The following PDZRN4 variants were observed in gnomAD, a reference collection of about 807,000 sequenced individuals.
PDZRN4 encodes PDZ domain-containing RING finger protein 4.
In PDZRN4, 70 loss-of-function variants were observed where a neutral mutation model predicts 99.0. That is an observed-to-expected ratio of 0.71 (90% CI 0.58 to 0.86). PDZRN4 has a LOEUF of 0.86. PDZRN4 is among the 40% of genes least tolerant of loss of function. The probability of loss-of-function intolerance (pLI) is 0.00; values close to 1 mark genes in which losing one functional copy is unlikely to be tolerated. For synonymous variants in PDZRN4, 551 were observed against 501.6 expected (o/e 1.10, Z -1.32); for missense variants, 1,474 against 1,331.2 (o/e 1.11, Z -1.67).
intron 3 of PDZRN4, among the ~76,000 whole-genome samples, chr12:41,288,575 A>G (rs1299742524): frequency 6.6e-6 from 1 of 150,828 alleles, no homozygotes; most frequent in East Asian, 1.9e-4. Context: ...GTCGTTCTGT[A>G]ATACTGTGAA....
At chr12:41,248,053 G>A (rs1043255458) in intron 3 of PDZRN4, among the ~76,000 whole-genome samples, 1 of 152,186 alleles carries the variant, frequency 6.6e-6, no homozygotes, top group Non-Finnish European at 1.5e-5. Context: ...GAACTGAAAT[G>A]ATGCTAGTTG....
intron 3 of PDZRN4, among the ~76,000 whole-genome samples, chr12:41,253,232 A>C (rs1366365411): frequency 6.6e-6 from 1 of 152,184 alleles, no homozygotes; most frequent in African/African-American, 2.4e-5. Flanking sequence ...CTTACACAAA[A>C]AAATCTTTGC....
At chr12:41,476,508 C>T (rs1953044255) in intron 3 of PDZRN4, among the ~76,000 whole-genome samples, 1 of 152,138 alleles carries the variant, frequency 6.6e-6, no homozygotes, top group East Asian at 1.9e-4. Flanking sequence ...ACTGCTTCAC[C>T]CACTTAGCCC....
intron 3 of PDZRN4, among the ~76,000 whole-genome samples, chr12:41,299,478 C>T (rs1000737261): frequency 6.6e-6 from 1 of 152,032 alleles, no homozygotes. Flanking sequence ...CAAGTTGATG[C>T]TAGCTATTTT....
intron 3 of PDZRN4, among the ~76,000 whole-genome samples, chr12:41,234,303 A>G (rs1951050955): frequency 6.6e-6 from 1 of 152,144 alleles, no homozygotes; most frequent in Non-Finnish European, 1.5e-5. Context: ...CATGTAAATT[A>G]GGAATATGAG....
intron 3 of PDZRN4, among the ~76,000 whole-genome samples, chr12:41,243,889 T>C (rs373319751): frequency 4.1e-4 from 62 of 152,182 alleles, no homozygotes; most frequent in African/African-American, 1.4e-3. Flanking sequence ...CACTCAAACA[T>C]CATTCATTTC....
intron 3 of PDZRN4, among the ~76,000 whole-genome samples, chr12:41,395,724 G>A (rs1172852751): frequency 6.6e-6 from 1 of 152,146 alleles, no homozygotes; most frequent in Non-Finnish European, 1.5e-5. Context: ...GGCTTCAGCT[G>A]AGGAACAACA....
chr12:41,474,357 G>A (rs1364135475), intron 3 of PDZRN4, among the ~76,000 whole-genome samples: 1 of 152,160 alleles, frequency 6.6e-6, no homozygotes, highest in Non-Finnish European at 1.5e-5. Flanking sequence ...CTCTCATAAA[G>A]CATTTATTAT....
rs543617000 is a variant in PDZRN4 at position 41,454,376 on chromosome 12, G to A, written c.844-52080G>A. On this transcript the variant is annotated intron_variant, in intron 3 of 9. Transcript: ENST00000402685. Reference sequence around the variant, plus strand: ...CTGCGTTTGAGTTAGAGGAAACAGTGTGGACTTGTTTCTTAGGAGACATGG... The same window carrying A: ...CTGCGTTTGAGTTAGAGGAAACAGTATGGACTTGTTTCTTAGGAGACATGG... Among the ~76,000 whole-genome samples the A allele has an allele frequency of 3.9e-5, 6 of 152,326 alleles. No homozygotes were observed. The South Asian group carries it at 1.2e-3, about 32-fold the overall frequency.
At position 41,402,140 on chromosome 12, in the gene PDZRN4, T is replaced by C. The variant is rs1166702397; in HGVS notation, c.844-104316T>C. 1.0e-3 allele frequency among the ~76,000 whole-genome samples: 33 copies of C among 32,258 alleles called. 2 individuals are homozygous for C. Among genetic ancestry groups the C allele is most frequent in the East Asian group, 3.6e-3 (4 of 1,122 alleles). 21.2% of individuals were successfully genotyped at this position (32,258 alleles called of 152,430 possible). ...GTATATATATATATATATATATATA[T>C]ACACACACTGAGTATATATATATAT... On this transcript the variant is annotated intron_variant, in intron 3 of 9. Transcript: ENST00000402685.
At chr12:41,491,509 G>T (rs1438849088) in intron 3 of PDZRN4, among the ~76,000 whole-genome samples, 3 of 152,082 alleles carry the variant, frequency 2.0e-5, no homozygotes, top group Non-Finnish European at 4.4e-5. Flanking sequence ...GCCACAGAGT[G>T]AGACTCCATC....
rs903442134 is a variant in PDZRN4 at position 41,379,250 on chromosome 12, T to C, written c.844-127206T>C. 5.7e-5 allele frequency among the ~76,000 whole-genome samples: 6 copies of C among 105,898 alleles called. No individual in the cohort carries two copies. In the East Asian group the frequency reaches 1.0e-3, roughly 18 times the overall value. The allele number at this position is 105,898 out of a possible 152,430, so 69.5% of individuals were successfully genotyped here. A position where few individuals can be genotyped will look rare whatever the true frequency, so the allele number is the denominator to read the frequency against. ...ATTTGAGTCTTCTGTCTCTATTTTCTGTTTTTTTTTTTTTTGGTTGGTCTA... is the reference window on the plus strand; with the variant it reads ...ATTTGAGTCTTCTGTCTCTATTTTCCGTTTTTTTTTTTTTTGGTTGGTCTA... On this transcript the variant is annotated intron_variant, in intron 3 of 9. Transcript: ENST00000402685.
intron 3 of PDZRN4, among the ~76,000 whole-genome samples, chr12:41,306,857 G>T (rs1951573912): frequency 6.6e-6 from 1 of 152,044 alleles, no homozygotes; most frequent in East Asian, 1.9e-4. Flanking sequence ...TTTCTTCATT[G>T]TCCACTAAGA....
chr12:41,429,783 A>G (rs1179230054), intron 3 of PDZRN4, among the ~76,000 whole-genome samples: 2 of 132,118 alleles, frequency 1.5e-5, no homozygotes, highest in Non-Finnish European at 2.9e-5. Flanking sequence ...TGTACTAAAT[A>G]GGTGTTAGCT....
At chr12:41,287,973 G>A (rs1414262122) in intron 3 of PDZRN4, among the ~76,000 whole-genome samples, 1 of 152,136 alleles carries the variant, frequency 6.6e-6, no homozygotes, top group African/African-American at 2.4e-5. Context: ...TATCAGTGAA[G>A]CCCCTTTGTT....
At chr12:41,477,511 T>C (rs1287614376) in intron 3 of PDZRN4, among the ~76,000 whole-genome samples, 1 of 152,190 alleles carries the variant, frequency 6.6e-6, no homozygotes, top group African/African-American at 2.4e-5. Context: ...GTGAAAAGGA[T>C]GGATGTGGTT....
intron 3 of PDZRN4, among the ~76,000 whole-genome samples, chr12:41,233,810 A>T (rs1162872499): frequency 6.6e-6 from 1 of 151,934 alleles, no homozygotes. Context: ...AGCGGGGGGG[A>T]GATAGCATTA....
intron 3 of PDZRN4, among the ~76,000 whole-genome samples, chr12:41,362,310 A>G (rs1951969277): frequency 6.6e-6 from 1 of 152,086 alleles, no homozygotes; most frequent in South Asian, 2.1e-4. Flanking sequence ...ATACTTCTCA[A>G]TGTGGGAGAA....
chr12:41,562,949 G>A (rs1939297803), intron 7 of PDZRN4, among the ~76,000 whole-genome samples: 2 of 152,274 alleles, frequency 1.3e-5, no homozygotes, highest in South Asian at 2.1e-4. Context: ...GATATTAGAA[G>A]GGAAATGGAG....
Sources: gnomAD v4.1 joint callset for allele counts (sites outside exome capture counted in the v4.1 genomes callset) on GRCh38, gnomAD v4.1.1 for gene constraint, MANE v1.5 for transcripts, NCBI Gene and HGNC (gene_info 2026-07-23, HGNC 2026-07-21) for gene names.